COL5A2: variants seen among roughly 807,000 people sequenced by gnomAD.
COL5A2 encodes collagen type V alpha 2 chain, also known as collagen alpha-2(V) chain.
Under a neutral mutation model 208.2 loss-of-function variants are expected in COL5A2, and 23 were observed. The ratio of observed to expected loss-of-function variants is 0.11; its 90% CI spans 0.08 to 0.16. The LOEUF (loss-of-function observed/expected upper bound fraction) is 0.16. Among genes scored for constraint, COL5A2 ranks in the 10% least tolerant of loss-of-function variants. COL5A2 has a pLI of 1.00. For synonymous variants in COL5A2, 625 were observed against 628.5 expected (o/e 0.99, Z 0.08); for missense variants, 1,590 against 1,956.4 (o/e 0.81, Z 3.53).
the COL5A2 span, among the ~76,000 whole-genome samples, chr2:189,280,900 A>C: frequency 1.3e-5 from 2 of 152,026 alleles, no homozygotes; most frequent in Admixed American, 6.6e-5. Flanking sequence ...TTTATGGTTA[A>C]CCAGTAATTC....
chr2:189,161,035 G>C (rs1352797110), intron 1 of COL5A2, among the ~76,000 whole-genome samples: 1 of 151,210 alleles, frequency 6.6e-6, no homozygotes, highest in Non-Finnish European at 1.5e-5. Flanking sequence ...GGTCAGGCTG[G>C]TCTCGAACTC....
the COL5A2 span, among the ~76,000 whole-genome samples, chr2:189,410,073 A>G: frequency 1.3e-5 from 2 of 152,170 alleles, no homozygotes; most frequent in Non-Finnish European, 2.9e-5. Flanking sequence ...ACTTATTTTT[A>G]TAAGATAAGT....
chr2:189,039,195 A>G, intron 51 of COL5A2, 77 bp downstream of exon 51: 1 of 1,519,984 alleles, frequency 6.6e-7, no homozygotes, highest in Non-Finnish European at 9.1e-7. Flanking sequence ...GAAAGTCAGT[A>G]ACATATTTTG....
the COL5A2 span, among the ~76,000 whole-genome samples, chr2:189,395,876 C>CA: frequency 8.3e-6 from 1 of 120,612 alleles, no homozygotes; most frequent in African/African-American, 3.2e-5. Context: ...GGTGCCACTG[C>CA]ACTCCAGCCT....
chr2:189,329,155 G>C, the COL5A2 span, among the ~76,000 whole-genome samples: 1 of 152,128 alleles, frequency 6.6e-6, no homozygotes, highest in Non-Finnish European at 1.5e-5. Context: ...AAAAAAGAAG[G>C]AAACCTTGTC....
intron 1 of COL5A2, 24 bp from the exon 2 acceptor site, chr2:189,110,473 G>A (rs778492739): frequency 6.3e-7 from 1 of 1,591,450 alleles, no homozygotes; most frequent in Non-Finnish European, 8.6e-7. Context: ...AGAAAGAAGA[G>A]GTTAGTAATC....
intron 1 of COL5A2, among the ~76,000 whole-genome samples, chr2:189,202,334 C>T (rs551982961): frequency 6.6e-6 from 1 of 152,014 alleles, no homozygotes; most frequent in East Asian, 1.9e-4. Context: ...TGTGAATAAA[C>T]AGAATTATGC....
Position 189,062,876 on chromosome 2 carries a change from C to T in COL5A2, c.1966G>A (p.Val656Met), listed in dbSNP as rs1244376351. The T allele has an allele frequency of 1.2e-6, 2 of 1,614,034 alleles. No individual in the cohort carries two copies. Among genetic ancestry groups the T allele is most frequent in the Non-Finnish European group, 8.5e-7 (1 of 1,180,016 alleles). ...CAAAAATCACATACCGGCGGGCCCA[C>T]AGGACCAGAAGGACCAACTTCACCA... ...KDGEVGPSGP[V>M]GPPGLAGERG... Residue 656 changes from valine to methionine, a missense_variant, in exon 29 of 54, where the codon GTG (valine) becomes ATG (methionine). Transcript: ENST00000374866.
intron 1 of COL5A2, among the ~76,000 whole-genome samples, chr2:189,214,166 T>G (rs1689250839): frequency 6.6e-6 from 1 of 152,130 alleles, no homozygotes; most frequent in Non-Finnish European, 1.5e-5. Flanking sequence ...TAAGCTTATA[T>G]TCATCTATTC....
intron 6 of COL5A2, chr2:189,095,712 C>T (rs1466749747): frequency 6.6e-6 from 1 of 152,014 alleles, no homozygotes; most frequent in East Asian, 1.9e-4. Context: ...GACTTAGGAC[C>T]CAATGTTATC....
chr2:189,241,476 A>T, the COL5A2 span, among the ~76,000 whole-genome samples: 1 of 152,206 alleles, frequency 6.6e-6, no homozygotes, highest in Non-Finnish European at 1.5e-5. Flanking sequence ...TTCCACGATT[A>T]TCCTATTGTT....
intron 1 of COL5A2, among the ~76,000 whole-genome samples, chr2:189,173,869 T>A (rs897975727): frequency 6.6e-6 from 1 of 152,176 alleles, no homozygotes; most frequent in South Asian, 2.1e-4. Flanking sequence ...ATACAATAGA[T>A]CAATTAATAA....
chr2:189,142,052 A>G (rs945250929), intron 1 of COL5A2, among the ~76,000 whole-genome samples: 5 of 152,154 alleles, frequency 3.3e-5, no homozygotes, highest in African/African-American at 1.2e-4. Flanking sequence ...TTTCCCTATT[A>G]TATGTAAATG....
At chr2:189,097,559 T>G (rs955777665) in intron 5 of COL5A2, 9 of 674,100 alleles carry the variant, frequency 1.3e-5, no homozygotes, top group Non-Finnish European at 2.4e-5. Flanking sequence ...AGGTGCACAT[T>G]ATGGCATCAT....
chr2:189,348,751 T>C, the COL5A2 span, among the ~76,000 whole-genome samples: 15 of 152,160 alleles, frequency 9.9e-5, no homozygotes, highest in Non-Finnish European at 2.1e-4. Context: ...CCAGACTCCA[T>C]GGAAAAGAGT....
intron 43 of COL5A2, 71 bp downstream of exon 43, chr2:189,050,498 A>C: frequency 7.7e-7 from 1 of 1,290,536 alleles, no homozygotes; most frequent in Non-Finnish European, 1.1e-6. Context: ...AAGCAAAAAA[A>C]ATAAAATCAA....
chr2:189,404,521 G>A, the COL5A2 span, among the ~76,000 whole-genome samples: 3 of 152,046 alleles, frequency 2.0e-5, no homozygotes, highest in East Asian at 5.8e-4. Context: ...CGCTCCCCTG[G>A]TTATAACAGA....
chr2:189,252,763 AT>A, the COL5A2 span, among the ~76,000 whole-genome samples: 3 of 141,574 alleles, frequency 2.1e-5, no homozygotes, highest in East Asian at 2.1e-4. Context: ...ATAATAAAAA[AT>A]AAATAAAATT....
chr2:189,149,413 C>T (rs964881006), intron 1 of COL5A2, among the ~76,000 whole-genome samples: 1 of 152,138 alleles, frequency 6.6e-6, no homozygotes, highest in Admixed American at 6.5e-5. Context: ...ACTTTGGCCT[C>T]CACCATCTAA....
Sources: gnomAD v4.1 joint callset for allele counts (sites outside exome capture counted in the v4.1 genomes callset) on GRCh38, gnomAD v4.1.1 for gene constraint, MANE v1.5 for transcripts, NCBI Gene and HGNC (gene_info 2026-07-23, HGNC 2026-07-21) for gene names.